Variants in HEG1 observed in about 807,000 individuals in gnomAD.
The protein encoded by HEG1 is heart development protein with EGF like domains 1.
A neutral mutation model predicts 125.6 loss-of-function variants in HEG1; 56 were observed. The ratio of observed to expected loss-of-function variants is 0.45; its 90% CI spans 0.36 to 0.56. HEG1 has a LOEUF of 0.56. Among genes scored for constraint, HEG1 ranks in the 20% least tolerant of loss-of-function variants. The pLI is 0.00. For synonymous variants in HEG1, 644 were observed against 668.5 expected (o/e 0.96, Z 0.57); for missense variants, 1,523 against 1,670.0 (o/e 0.91, Z 1.53).
At position 125,010,512 on chromosome 3, in the gene HEG1, G is replaced by A. The variant is rs777868491; in HGVS notation, c.3000C>T (p.Cys1000=). The A allele has an allele frequency of 6.8e-5, 106 of 1,559,860 alleles. No homozygotes were observed. The highest frequency in any genetic ancestry group is 5.0e-4 in the Admixed American group (26 of 52,200). The change falls in exon 7 of 17, where the codon TGC becomes TGT. Residue 1000 remains cysteine, a synonymous_variant. Coordinates refer to ENST00000311127, the MANE Select transcript of HEG1 (RefSeq NM_020733.2). ...AGCCACGGCTGGTGTTGTCTGCGAC[G>A]CATTCGCCATTGTGAAGACAAGGGT... The part of the protein sequence containing the change: ...AVNPCLHNGE[C]VADNTSRGYH...
Position 125,009,687 on chromosome 3 carries a change from A to T in HEG1, c.3193+18T>A, listed in dbSNP as rs572319420. The T allele has an allele frequency of 3.7e-6, 6 of 1,605,598 alleles. No individual in the cohort carries two copies. In the African/African-American group the frequency reaches 8.0e-5, roughly 21 times the overall value. ...ATTGTGGTACGGAATAAAGTCCGAA[A>T]TAGACTAAGTCTCTTACCCAAATTG... On this transcript the variant is annotated intron_variant, in intron 8 of 16. Coordinates refer to ENST00000311127, the MANE Select transcript of HEG1 (RefSeq NM_020733.2).
At chr3:125,034,220 C>T (rs1163399258) in intron 1 of HEG1, among the ~76,000 whole-genome samples, 1 of 41,642 alleles carries the variant, frequency 2.4e-5, no homozygotes, top group African/African-American at 7.0e-5. Flanking sequence ...CATGAGGAAA[C>T]AAGACATCCA....
chr3:125,044,130 G>T (rs1937626463), intron 1 of HEG1, among the ~76,000 whole-genome samples: 2 of 152,346 alleles, frequency 1.3e-5, no homozygotes, highest in East Asian at 3.9e-4. Context: ...TCAGCACCAA[G>T]GGCTCTGAGG....
Position 124,997,833 on chromosome 3 carries a change from A to G in HEG1, c.3518-10T>C. 1.9e-6 allele frequency: 3 copies of G among 1,565,518 alleles called. No individual in the cohort carries two copies. The highest frequency in any genetic ancestry group is 2.6e-6 in the Non-Finnish European group (3 of 1,151,972). On this transcript the variant is annotated splice_polypyrimidine_tract_variant and intron_variant, in intron 11 of 16. Transcript: ENST00000311127. The stretch of plus-strand genomic sequence containing the variant: ...TTGCACAAGCTGCCCGCTGGAATGG[A>G]AAAACAAGACAGTGAAACAAAACAA...
chr3:125,020,680 T>C (rs1937322395), intron 4 of HEG1, 112 bp downstream of exon 4: 2 of 869,670 alleles, frequency 2.3e-6, no homozygotes. Flanking sequence ...AATAGTGCCA[T>C]TAAAAAGCAC....
At chr3:124,998,269 T>C (rs1453501299) in intron 11 of HEG1, among the ~76,000 whole-genome samples, 1 of 152,174 alleles carries the variant, frequency 6.6e-6, no homozygotes, top group Non-Finnish European at 1.5e-5. Context: ...AGGCCAGACC[T>C]GTTTCAAGTG....
chr3:124,973,832 G>T lies in HEG1; in HGVS notation c.3895C>A (p.Pro1299Thr). 1 of 1,613,410 alleles carries T rather than the reference G, an allele frequency of 6.2e-7. No homozygotes were observed. Among genetic ancestry groups the T allele is most frequent in the Non-Finnish European group, 8.5e-7 (1 of 1,179,506 alleles). Residue 1299 changes from proline to threonine, a missense_variant, in exon 16 of 17, where the codon CCC (proline) becomes ACC (threonine). Pro to Thr is a conservative substitution (Grantham distance 38, BLOSUM62 -1). Transcript: ENST00000311127. Reference protein sequence around the residue: ...DFQMSPYAEYPKNPRSQEWGR... With the variant: ...DFQMSPYAEYTKNPRSQEWGR... ...CATTCTTGTGAGCGAGGATTTTTGGGGTATTCAGCATACGGGGACATTTGG... is the reference window on the plus strand; with the variant it reads ...CATTCTTGTGAGCGAGGATTTTTGGTGTATTCAGCATACGGGGACATTTGG...
At chr3:124,975,135 A>G (rs1936511681) in intron 15 of HEG1, among the ~76,000 whole-genome samples, 1 of 152,222 alleles carries the variant, frequency 6.6e-6, no homozygotes, top group Admixed American at 6.5e-5. Context: ...TTGGAAAATA[A>G]TAGGCAAAGG....
chr3:124,977,351 A>G (rs1450837685), intron 15 of HEG1, among the ~76,000 whole-genome samples: 3 of 152,230 alleles, frequency 2.0e-5, no homozygotes, highest in East Asian at 3.8e-4. Flanking sequence ...ATGGACTAAG[A>G]CAATGTGCTT....
intron 14 of HEG1, among the ~76,000 whole-genome samples, chr3:124,989,332 T>C (rs1936791954): frequency 6.6e-6 from 1 of 152,166 alleles, no homozygotes; most frequent in South Asian, 2.1e-4. Flanking sequence ...CACTGGGGAA[T>C]AGAAACTGGG....
In HEG1 at chr3:125,009,761, G is replaced by A. The variant is rs868700196; in HGVS notation, c.3137C>T (p.Ser1046Phe). The A allele has an allele frequency of 6.2e-7, 1 of 1,613,642 alleles. No homozygotes were observed. Among genetic ancestry groups the A allele is most frequent in the Non-Finnish European group, 8.5e-7 (1 of 1,179,618 alleles). ...CCCAACCGGGCATTTGCAGATAAAG[G>A]ATCCCTGAGTATTGTTGCACATGGC... is the stretch of plus-strand genomic sequence containing the variant. ...STAMCNNTQG[S>F]FICKCPVGYQ... The change falls in exon 8 of 17, where the codon TCC becomes TTC. Residue 1046 changes from serine to phenylalanine, a missense_variant. Transcript: ENST00000311127.
chr3:124,997,047 C>T (rs1331627866), intron 12 of HEG1, among the ~76,000 whole-genome samples: 2 of 152,234 alleles, frequency 1.3e-5, no homozygotes, highest in Non-Finnish European at 2.9e-5. Flanking sequence ...CTCTCAAGCA[C>T]TTCATGAGAC....
At position 124,966,623 on chromosome 3, in the gene HEG1, T is replaced by C. The variant is rs746403959; in HGVS notation, c.*4029A>G. 6 of 152,220 alleles carry C rather than the reference T, an allele frequency of 3.9e-5. No individual in the cohort carries two copies. Among genetic ancestry groups the C allele is most frequent in the Non-Finnish European group, 8.8e-5 (6 of 68,018 alleles). The allele number at this position is 152,220 out of a possible 1,614,324, so 9.4% of individuals were successfully genotyped here. A position where few individuals can be genotyped will look rare whatever the true frequency, so the allele number is the denominator to read the frequency against. ...AGATGCTACTAAGGGTAATTTCAAG[T>C]AAAATACAAAGTATTGAAATACTGA... On this transcript the variant is annotated 3_prime_UTR_variant, in exon 17 of 17. Transcript: ENST00000311127.
intron 1 of HEG1, among the ~76,000 whole-genome samples, chr3:125,045,566 C>T (rs1937649378): frequency 6.6e-6 from 1 of 152,180 alleles, no homozygotes; most frequent in Non-Finnish European, 1.5e-5. Flanking sequence ...AAAGCGTTAG[C>T]CATGGCAATC....
In HEG1 at chr3:125,001,815, A is replaced by C. The variant is rs1248572088; in HGVS notation, c.3517+37T>G. ...TTCCATCTTAGGTCTGTGCCTAACT[A>C]TATGGGTAGGATCCTCCCAGAGGGC... On this transcript the variant is annotated intron_variant, in intron 11 of 16. Coordinates refer to ENST00000311127, the MANE Select transcript of HEG1 (RefSeq NM_020733.2). 11 of 1,598,356 alleles carry C rather than the reference A, an allele frequency of 6.9e-6. No individual in the cohort carries two copies. The South Asian group carries it at 1.2e-4, about 18-fold the overall frequency.
chr3:124,970,587 G>GCGA lies in HEG1; in HGVS notation c.*64_*65insTCG. On this transcript the variant is annotated 3_prime_UTR_variant, in exon 17 of 17. Coordinates refer to ENST00000311127, the MANE Select transcript of HEG1 (RefSeq NM_020733.2). ...CAAATCCTGGGCGCAGCCTCCTGGTGCGGTCCTCTGAGCAGAGGTCCCAGG... is the reference window on the plus strand; with the variant it reads ...CAAATCCTGGGCGCAGCCTCCTGGTGCGACGGTCCTCTGAGCAGAGGTCCCAGG... The GCGA allele has an allele frequency of 2.1e-6, 3 of 1,432,180 alleles. No homozygotes were observed. The highest frequency in any genetic ancestry group is 2.9e-6 in the Non-Finnish European group (3 of 1,046,290). 88.7% of individuals were successfully genotyped at this position (1,432,180 alleles called of 1,614,324 possible).
chr3:125,010,253 G>T (rs6771519), intron 7 of HEG1, among the ~76,000 whole-genome samples, 186 bp downstream of exon 7: 103,502 of 151,636 alleles, frequency 0.68, 35,529 homozygotes, highest in Middle Eastern at 0.81. Context: ...AGGAAGTCTG[G>T]CAGTGCCACA....
Position 124,970,579 on chromosome 3 carries a change from C to G in HEG1, c.*73G>C. 7.1e-7 allele frequency: 1 copy of G among 1,409,122 alleles called. No individual in the cohort carries two copies. The highest frequency in any genetic ancestry group is 9.7e-7 in the Non-Finnish European group (1 of 1,029,744). The allele number at this position is 1,409,122 out of a possible 1,614,324, so 87.3% of individuals were successfully genotyped here. A position where few individuals can be genotyped will look rare whatever the true frequency, so the allele number is the denominator to read the frequency against. ...GCTCCCGACAAATCCTGGGCGCAGC[C>G]TCCTGGTGCGGTCCTCTGAGCAGAG... On this transcript the variant is annotated 3_prime_UTR_variant, in exon 17 of 17. Coordinates refer to ENST00000311127, the MANE Select transcript of HEG1 (RefSeq NM_020733.2).
chr3:124,986,733 C>T (rs1014486057), intron 14 of HEG1, among the ~76,000 whole-genome samples: 1 of 152,132 alleles, frequency 6.6e-6, no homozygotes, highest in Non-Finnish European at 1.5e-5. Flanking sequence ...GTGACAGTGA[C>T]TTGGACAAAT....
Sources: allele counts gnomAD v4.1 joint callset (sites outside exome capture counted in the v4.1 genomes callset), GRCh38; gene constraint gnomAD v4.1.1; transcripts MANE v1.5; gene names NCBI Gene and HGNC (gene_info 2026-07-23, HGNC 2026-07-21).